The following CFAP299 variants were observed in gnomAD, a reference collection of about 807,000 sequenced individuals.
The protein encoded by CFAP299 is cilia and flagella associated protein 299.
Under a neutral mutation model 27.0 loss-of-function variants are expected in CFAP299, and 21 were observed. The ratio of observed to expected loss-of-function variants is 0.78; its 90% CI spans 0.55 to 1.12. The LOEUF is 1.12. Among genes scored for constraint, CFAP299 ranks in the 50% most tolerant of loss-of-function variants. CFAP299 has a pLI of 0.00. For missense variants in CFAP299, 310 were observed against 276.6 expected (o/e 1.12, Z -0.86); for synonymous variants, 104 against 98.1 (o/e 1.06, Z -0.36).
chr4:80,835,417 TTCAGTGGA>T (rs1730510044), intron 3 of CFAP299, among the ~76,000 whole-genome samples: 1 of 151,936 alleles, frequency 6.6e-6, no homozygotes, highest in Admixed American at 6.6e-5. Context: ...CAGATTTTGG[TTCAGTGGA>T]TCTGGAGTCA....
intron 3 of CFAP299, among the ~76,000 whole-genome samples, chr4:80,796,453 T>C (rs183076376): frequency 6.6e-6 from 1 of 152,322 alleles, no homozygotes; most frequent in Admixed American, 6.5e-5. Flanking sequence ...ACGCTCTCTC[T>C]GAATAAGATT....
At chr4:80,462,277 C>G (rs7670615) in intron 2 of CFAP299, among the ~76,000 whole-genome samples, 11,659 of 152,164 alleles carry the variant, frequency 0.077, 1,087 homozygotes, top group African/African-American at 0.22. Context: ...AAATAAACCT[C>G]CCTCTACCTT....
chr4:80,912,882 T>C (rs1735550133), intron 4 of CFAP299, among the ~76,000 whole-genome samples: 1 of 152,060 alleles, frequency 6.6e-6, no homozygotes, highest in Non-Finnish European at 1.5e-5. Context: ...TAGAGTCTTG[T>C]TGTGGACCTC....
At chr4:80,801,103 C>A (rs1728564987) in intron 3 of CFAP299, among the ~76,000 whole-genome samples, 1 of 151,770 alleles carries the variant, frequency 6.6e-6, no homozygotes, top group African/African-American at 2.4e-5. Context: ...TTTGGCAACA[C>A]CCTCACAGAC....
chr4:80,881,478 G>T (rs1049468159), intron 4 of CFAP299, among the ~76,000 whole-genome samples: 9 of 152,216 alleles, frequency 5.9e-5, no homozygotes, highest in African/African-American at 1.9e-4. Flanking sequence ...ATTGGAAAAA[G>T]CACAGAACTG....
chr4:80,482,262 C>T (rs1191230364), intron 2 of CFAP299, among the ~76,000 whole-genome samples: 2 of 151,654 alleles, frequency 1.3e-5, no homozygotes, highest in African/African-American at 4.8e-5. Flanking sequence ...TCTCTTTTCT[C>T]TGACCATGAA....
chr4:80,648,012 C>G (rs536546096), intron 3 of CFAP299, among the ~76,000 whole-genome samples: 4 of 152,154 alleles, frequency 2.6e-5, no homozygotes, highest in Non-Finnish European at 5.9e-5. Flanking sequence ...AGCTGAGATC[C>G]GGCAACTGCA....
At chr4:80,460,205 C>T (rs554801916) in intron 2 of CFAP299, among the ~76,000 whole-genome samples, 7 of 152,174 alleles carry the variant, frequency 4.6e-5, no homozygotes, top group African/African-American at 1.7e-4. Flanking sequence ...CTCATTCTCT[C>T]TCTTCCACAA....
At chr4:80,836,061 A>G (rs1042916114) in intron 3 of CFAP299, among the ~76,000 whole-genome samples, 2 of 152,090 alleles carry the variant, frequency 1.3e-5, no homozygotes, top group Non-Finnish European at 2.9e-5. Flanking sequence ...AAATTTCTCT[A>G]TTTCTGTATC....
intron 3 of CFAP299, among the ~76,000 whole-genome samples, chr4:80,751,273 C>A (rs1198856233): frequency 6.6e-6 from 1 of 152,130 alleles, no homozygotes; most frequent in Non-Finnish European, 1.5e-5. Context: ...CTGGGGACCC[C>A]TATTGGGAGG....
In CFAP299 at chr4:80,392,803, G is replaced by C. The variant is rs141677943; in HGVS notation, c.242+29919G>C. On this transcript the variant is annotated intron_variant, in intron 2 of 5. Transcript: ENST00000358105. Reference sequence around the variant, plus strand: ...AGTGTAGCATATATAATTGTGTATAGTACATACTACTTGATAATATTAACA... The same window carrying C: ...AGTGTAGCATATATAATTGTGTATACTACATACTACTTGATAATATTAACA... Among the ~76,000 whole-genome samples the C allele has an allele frequency of 6.2e-3, 939 of 152,158 alleles. 2 individuals carry two copies. The highest frequency in any genetic ancestry group is 0.024 in the Middle Eastern group (7 of 294).
At chr4:80,410,726 C>T (rs904648069) in intron 2 of CFAP299, among the ~76,000 whole-genome samples, 1 of 152,164 alleles carries the variant, frequency 6.6e-6, no homozygotes, top group African/African-American at 2.4e-5. Flanking sequence ...TCTCACTTAT[C>T]ACTGGGTGGT....
intron 5 of CFAP299, among the ~76,000 whole-genome samples, chr4:80,958,647 A>G (rs1326255469): frequency 6.6e-6 from 1 of 152,218 alleles, no homozygotes; most frequent in Non-Finnish European, 1.5e-5. Flanking sequence ...ATGAATAACC[A>G]TAAGAAAATT....
chr4:80,788,170 T>C (rs1727351726), intron 3 of CFAP299, among the ~76,000 whole-genome samples: 2 of 152,018 alleles, frequency 1.3e-5, no homozygotes, highest in Non-Finnish European at 2.9e-5. Context: ...ATGTAGAAAA[T>C]AGGACTATAT....
intron 3 of CFAP299, among the ~76,000 whole-genome samples, chr4:80,855,355 C>T (rs1297128258): frequency 6.6e-6 from 1 of 151,540 alleles, no homozygotes; most frequent in Non-Finnish European, 1.5e-5. Flanking sequence ...GTTTATTTCT[C>T]CTTTATAAAT....
the CFAP299 span, among the ~76,000 whole-genome samples, chr4:80,326,624 G>C: frequency 3.3e-5 from 5 of 152,252 alleles, no homozygotes; most frequent in Non-Finnish European, 7.4e-5. Flanking sequence ...CTGGCCTGTG[G>C]TTTCTTCTGA....
chr4:80,444,004 A>C (rs1220211097), intron 2 of CFAP299, among the ~76,000 whole-genome samples: 1 of 152,184 alleles, frequency 6.6e-6, no homozygotes, highest in African/African-American at 2.4e-5. Flanking sequence ...GGAGAACGAC[A>C]AACCACTGCT....
At chr4:80,871,172 G>A (rs151000283) in intron 4 of CFAP299, 20,627 of 972,720 alleles carry the variant, frequency 0.021, 240 homozygotes, top group Non-Finnish European at 0.024. Flanking sequence ...CTCCCAAAGT[G>A]CTGGGATTAC....
At chr4:80,920,037 A>G in intron 4 of CFAP299, among the ~76,000 whole-genome samples, 1 of 151,864 alleles carries the variant, frequency 6.6e-6, no homozygotes, top group African/African-American at 2.4e-5. Context: ...GCAAAGTACT[A>G]CTCCTGTATG....
Sources: gnomAD v4.1 joint callset for allele counts (sites outside exome capture counted in the v4.1 genomes callset) on GRCh38, gnomAD v4.1.1 for gene constraint, MANE v1.5 for transcripts, NCBI Gene and HGNC (gene_info 2026-07-23, HGNC 2026-07-21) for gene names.